Variants in RANBP17 observed in about 807,000 individuals in gnomAD.
RANBP17 encodes the protein ran-binding protein 17.
Under a neutral mutation model 141.2 loss-of-function variants are expected in RANBP17, and 158 were observed. That is an observed-to-expected ratio of 1.12 (90% confidence interval 0.98 to 1.28). RANBP17 has a LOEUF of 1.28. Among genes scored for constraint, RANBP17 ranks in the 50% most tolerant of loss-of-function variants. The pLI is 0.00. For synonymous variants in RANBP17, 430 were observed against 450.0 expected (o/e 0.96, Z 0.56); for missense variants, 1,438 against 1,290.7 (o/e 1.11, Z -1.75).
In RANBP17 at chr5:170,964,536, A is replaced by G. The variant is rs543017018; in HGVS notation, c.1575-3706A>G. 4.1e-4 allele frequency among the ~76,000 whole-genome samples: 63 copies of G among 152,180 alleles called. 1 individual carries two copies. In the South Asian group the frequency reaches 8.1e-3, roughly 20 times the overall value. ...AGCATTAGGTGTATCTCCTAATGCT[A>G]TCCCTTCCACCTCCCCCCACCCCAC... On this transcript the variant is annotated intron_variant, in intron 13 of 27. Transcript: ENST00000523189.
intron 11 of RANBP17, among the ~76,000 whole-genome samples, chr5:170,920,565 C>A (rs945974062): frequency 6.0e-5 from 9 of 148,910 alleles, no homozygotes; most frequent in African/African-American, 2.2e-4. Flanking sequence ...CTTCACAAGT[C>A]TTTCTGTTAT....
In RANBP17 at chr5:171,241,914, T is replaced by C. The variant is rs79410995; in HGVS notation, c.2638-768T>C. Among the ~76,000 whole-genome samples the C allele has an allele frequency of 8.5e-3, 1,291 of 152,286 alleles. 20 individuals are homozygous for C. The highest frequency in any genetic ancestry group is 0.03 in the African/African-American group (1,247 of 41,578). On this transcript the variant is annotated intron_variant, in intron 23 of 27. Coordinates refer to ENST00000523189, the MANE Select transcript of RANBP17 (RefSeq NM_022897.5). ...AGTGGGGATCAGGAAACTGCGTTTTTAACAAGCACCCCAAGTGATTCCTAT... is the reference window on the plus strand; with the variant it reads ...AGTGGGGATCAGGAAACTGCGTTTTCAACAAGCACCCCAAGTGATTCCTAT...
intron 12 of RANBP17, among the ~76,000 whole-genome samples, chr5:170,942,265 A>G (rs1774385257): frequency 6.6e-6 from 1 of 152,104 alleles, no homozygotes; most frequent in Non-Finnish European, 1.5e-5. Flanking sequence ...TGGCACCAAA[A>G]AGGTAGGGGA....
chr5:171,142,178 A>AT (rs1452675321), intron 14 of RANBP17, among the ~76,000 whole-genome samples: 4 of 152,074 alleles, frequency 2.6e-5, no homozygotes, highest in Non-Finnish European at 4.4e-5. Context: ...TAGAGCTTCC[A>AT]TTTTTTTGTC....
intron 14 of RANBP17, chr5:171,143,357 G>A (rs1011840059): frequency 1.3e-5 from 2 of 152,204 alleles, no homozygotes; most frequent in African/African-American, 4.8e-5. Context: ...CCGTGGTTGG[G>A]GCAGGGAGGG....
chr5:170,999,854 C>G (rs976279656), intron 14 of RANBP17, among the ~76,000 whole-genome samples: 2 of 152,124 alleles, frequency 1.3e-5, no homozygotes, highest in Non-Finnish European at 2.9e-5. Context: ...CTCCAGAAGT[C>G]TTTTCATCTG....
chr5:171,294,644 TAGA>T (rs1172020368), intron 26 of RANBP17, among the ~76,000 whole-genome samples: 1 of 152,172 alleles, frequency 6.6e-6, no homozygotes, highest in Admixed American at 6.5e-5. Flanking sequence ...AGGAAACTAA[TAGA>T]AGAAGAAAAT....
chr5:170,892,487 G>A lies in RANBP17; in HGVS notation c.357G>A (p.Trp119Ter). The change falls in exon 4 of 28, where the codon TGG becomes TGA. Residue 119 changes from tryptophan to a stop codon, truncating the protein, a stop_gained. Coordinates refer to ENST00000523189, the MANE Select transcript of RANBP17 (RefSeq NM_022897.5). LOFTEE classifies it high-confidence loss of function. ...QVIAKITKLGWFEVQKDQFVF... is the reference protein window; with the variant it reads ...QVIAKITKLG ...TTGCTAAAATCACTAAGTTGGGGTG[G>A]TTTGAGGTTCAGAAAGACCAATTTG... The A allele has an allele frequency of 6.2e-7, 1 of 1,613,968 alleles. No individual in the cohort carries two copies. Among genetic ancestry groups the A allele is most frequent in the South Asian group, 1.1e-5 (1 of 91,062 alleles).
intron 14 of RANBP17, among the ~76,000 whole-genome samples, chr5:171,168,031 G>A (rs1033925011): frequency 3.2e-4 from 49 of 152,128 alleles, no homozygotes; most frequent in African/African-American, 1.2e-3. Context: ...TCCTTCCACT[G>A]CACATTAAAG....
intron 22 of RANBP17, among the ~76,000 whole-genome samples, chr5:171,239,369 G>A (rs1022455353): frequency 6.6e-6 from 1 of 152,174 alleles, no homozygotes; most frequent in East Asian, 1.9e-4. Context: ...TCTGCTAGAA[G>A]TATTGGTCCT....
At chr5:171,200,013 C>A (rs1428193111) in intron 19 of RANBP17, among the ~76,000 whole-genome samples, 1 of 152,150 alleles carries the variant, frequency 6.6e-6, no homozygotes, top group Non-Finnish European at 1.5e-5. Flanking sequence ...AGATTTGTTT[C>A]CTCTGGCAGT....
chr5:171,202,760 T>C (rs756488850), intron 19 of RANBP17, among the ~76,000 whole-genome samples: 3 of 152,208 alleles, frequency 2.0e-5, no homozygotes, highest in African/African-American at 4.8e-5. Flanking sequence ...TCTTCAGAAT[T>C]AAGAGTATGC....
chr5:171,102,389 A>G (rs879755184), intron 14 of RANBP17, among the ~76,000 whole-genome samples: 5 of 151,248 alleles, frequency 3.3e-5, no homozygotes, highest in South Asian at 2.1e-4. Context: ...TGATTTGGCT[A>G]TTGATACTTG....
intron 26 of RANBP17, among the ~76,000 whole-genome samples, chr5:171,295,508 C>T (rs1008901735): frequency 2.0e-5 from 3 of 152,090 alleles, no homozygotes; most frequent in Non-Finnish European, 4.4e-5. Context: ...TTAAAATGCT[C>T]CCTGGGCATT....
At chr5:170,966,390 T>A (rs1324808354) in intron 13 of RANBP17, among the ~76,000 whole-genome samples, 1 of 152,186 alleles carries the variant, frequency 6.6e-6, no homozygotes, top group Non-Finnish European at 1.5e-5. Flanking sequence ...TGGTTCAATA[T>A]ACGCAAATCA....
intron 16 of RANBP17, 141 bp downstream of exon 16, chr5:171,171,427 T>TG: frequency 2.0e-6 from 1 of 496,306 alleles, no homozygotes; most frequent in Admixed American, 3.6e-5. Flanking sequence ...TATCTGTAAA[T>TG]GCATGTTTTT....
chr5:170,998,662 A>G (rs1778999507), intron 14 of RANBP17, among the ~76,000 whole-genome samples: 1 of 152,140 alleles, frequency 6.6e-6, no homozygotes, highest in African/African-American at 2.4e-5. Context: ...AGTCTGTTTT[A>G]CTGTGCTTTA....
chr5:171,290,515 C>T (rs913087561), intron 25 of RANBP17, among the ~76,000 whole-genome samples: 9 of 152,172 alleles, frequency 5.9e-5, no homozygotes, highest in African/African-American at 2.2e-4. Flanking sequence ...AGATACAGAT[C>T]ACACAACATT....
intron 3 of RANBP17, among the ~76,000 whole-genome samples, chr5:170,882,610 G>T (rs1043154621): frequency 6.6e-6 from 1 of 152,148 alleles, no homozygotes; most frequent in Non-Finnish European, 1.5e-5. Context: ...CAGGCTTTTA[G>T]TCATTATCTT....
Sources: gnomAD v4.1 joint callset for allele counts (sites outside exome capture counted in the v4.1 genomes callset) on GRCh38, gnomAD v4.1.1 for gene constraint, MANE v1.5 for transcripts, NCBI Gene and HGNC (gene_info 2026-07-23, HGNC 2026-07-21) for gene names.